The following MOB3C variants were observed in gnomAD, a reference collection of about 807,000 sequenced individuals.
MOB3C encodes MOB1, Mps One Binder kinase activator-like 2C.
Under a neutral mutation model 19.8 loss-of-function variants are expected in MOB3C, and 17 were observed. The observed-to-expected ratio is 0.86, with a 90% CI of 0.59 to 1.29. The LOEUF (loss-of-function observed/expected upper bound fraction) is 1.29. MOB3C is among the 50% of genes most tolerant of loss of function. The pLI, the probability that MOB3C is intolerant of heterozygous loss-of-function variation, is 0.00. For synonymous variants in MOB3C, 101 were observed against 119.2 expected, an observed-to-expected ratio of 0.85 and a Z score of 0.99; for missense variants, 291 against 301.9, an observed-to-expected ratio of 0.96 and a Z score of 0.27.
chr1:46,610,324 C>A, intron 2 of MOB3C, 120 bp from the exon 3 acceptor site: 2 of 773,390 alleles, frequency 2.6e-6, no homozygotes, highest in South Asian at 1.6e-5. Flanking sequence ...TTTTAGTACA[C>A]TTCCCTTTGG....
intron 1 of MOB3C, chr1:46,614,692 T>C (rs1038713033): frequency 2.1e-5 from 8 of 382,238 alleles, no homozygotes; most frequent in Admixed American, 8.1e-5. Context: ...GCTGGAGCAC[T>C]GTCCTTTCTC....
chr1:46,612,066 C>T (rs1675476773), intron 2 of MOB3C, among the ~76,000 whole-genome samples: 1 of 152,232 alleles, frequency 6.6e-6, no homozygotes, highest in Admixed American at 6.5e-5. Flanking sequence ...ACAACCCCCT[C>T]CTGCTGCCCT....
Position 46,608,175 on chromosome 1 carries a change from G to A in MOB3C, c.*1480C>T, listed in dbSNP as rs1052301. On this transcript the variant is annotated 3_prime_UTR_variant, in exon 4 of 4. Coordinates refer to ENST00000319928, the MANE Select transcript of MOB3C (RefSeq NM_201403.3). The surrounding 1 kb of genome is among the most constrained non-coding windows in gnomAD (Gnocchi z 4.5). Reference sequence around the variant, plus strand: ...ACCCTCTTTCCATGTGTATCTCTATGTAGCAATTGATGGGCCCTGCGGTCA... The same window carrying A: ...ACCCTCTTTCCATGTGTATCTCTATATAGCAATTGATGGGCCCTGCGGTCA... The A allele has an allele frequency of 6.6e-6, 1 of 152,288 alleles. No homozygotes were observed. Among genetic ancestry groups the A allele is most frequent in the Admixed American group, 6.5e-5 (1 of 15,286 alleles). The allele number at this position is 152,288 out of a possible 1,614,324, so 9.4% of individuals were successfully genotyped here. A position where few individuals can be genotyped will look rare whatever the true frequency, so the allele number is the denominator to read the frequency against.
At position 46,610,196 on chromosome 1, in the gene MOB3C, AG is replaced by A. The variant is rs1675442615; in HGVS notation, c.426del (p.Phe143SerfsTer13). 2 of 1,613,976 alleles carry A rather than the reference AG, an allele frequency of 1.2e-6. No homozygotes were observed. Among genetic ancestry groups the A allele is most frequent in the Non-Finnish European group, 1.7e-6 (2 of 1,179,968 alleles). On this transcript the variant is annotated frameshift_variant, in exon 3 of 4. Transcript: ENST00000319928. LOFTEE classifies it high-confidence loss of function. ...EEVFPTRVGV[P>X]FPKNFQQVCT... Reference sequence around the variant, plus strand: ...CAGACCTGCTGGAAGTTCTTAGGGAAGGGAACTCCTAGAGGGCAGGGGAGGG... The same window carrying A: ...CAGACCTGCTGGAAGTTCTTAGGGAAGGAACTCCTAGAGGGCAGGGGAGGG...
At chr1:46,615,914 C>T (rs1675552744) in intron 1 of MOB3C, 1 of 152,842 alleles carries the variant, frequency 6.5e-6, no homozygotes. Flanking sequence ...TGTGGAACTT[C>T]AAGGCCTGGG....
In MOB3C at chr1:46,612,920, G is replaced by C; in HGVS notation, c.402C>G (p.Val134=). Residue 134 remains valine (V), a synonymous_variant, in exon 2 of 4, where the codon GTC becomes GTG. Coordinates refer to ENST00000319928, the MANE Select transcript of MOB3C (RefSeq NM_201403.3). ...WIEGLINDEE[V]FPTRVGVPFP... is the part of the protein sequence containing the mutation. ...GACACTCACCAACACGCGTGGGAAA[G>C]ACCTCTTCGTCGTTGATGAGGCCTT... 1 of 1,556,278 alleles carries C rather than the reference G, an allele frequency of 6.4e-7. No individual in the cohort carries two copies. The highest frequency in any genetic ancestry group is 1.2e-5 in the South Asian group (1 of 81,574).
chr1:46,610,144 C>G lies in MOB3C; in HGVS notation c.479G>C (p.Arg160Pro), dbSNP rs147799654. Residue 160 changes from arginine to proline, a missense_variant, in exon 3 of 4, where the codon CGA becomes CCA. Arg to Pro is a moderately radical substitution (Grantham distance 103, BLOSUM62 -2). Transcript: ENST00000319928. Reference sequence around the variant, plus strand: ...GTGGATGTAGACATGGACAAAGACTCGGAAGAGGCGGGTCAGGATCTTGGT... The same window carrying G: ...GTGGATGTAGACATGGACAAAGACTGGGAAGAGGCGGGTCAGGATCTTGGT... ...VCTKILTRLFRVFVHVYIHHF... is the reference protein window; with the variant it reads ...VCTKILTRLFPVFVHVYIHHF... 2 of 1,614,024 alleles carry G rather than the reference C, an allele frequency of 1.2e-6. No homozygotes were observed. The highest frequency in any genetic ancestry group is 2.7e-5 in the African/African-American group (2 of 74,904).
chr1:46,612,230 C>T (rs1381689848), intron 2 of MOB3C, among the ~76,000 whole-genome samples: 1 of 152,140 alleles, frequency 6.6e-6, no homozygotes, highest in East Asian at 1.9e-4. Flanking sequence ...GTGATGATAC[C>T]ACCAGGGCCC....
Position 46,609,533 on chromosome 1 carries a change from GC to G in MOB3C, c.*121del. 7.9e-7 allele frequency: 1 copy of G among 1,260,888 alleles called. No homozygotes were observed. Among genetic ancestry groups the G allele is most frequent in the Non-Finnish European group, 1.1e-6 (1 of 871,944 alleles). 78.1% of individuals were successfully genotyped at this position (1,260,888 alleles called of 1,614,324 possible). On this transcript the variant is annotated 3_prime_UTR_variant, in exon 4 of 4. Transcript: ENST00000319928. ...ACTCCTGAGAACCAGAAGTCCAGAG[GC>G]TTTGGGTGTGTGGAGTGATTCCAGT... is the stretch of plus-strand genomic sequence containing the variant.
At chr1:46,613,574 A>G (rs537276189) in intron 1 of MOB3C, 1 of 584,240 alleles carries the variant, frequency 1.7e-6, no homozygotes, top group East Asian at 2.8e-5. Flanking sequence ...AAGCCCCCAC[A>G]GTCCTCCCAT....
rs1271406141 is a variant in MOB3C at position 46,607,755 on chromosome 1, A to G, written c.*1900T>C. 6.6e-6 allele frequency: 1 copy of G among 152,178 alleles called. No individual in the cohort carries two copies. Among genetic ancestry groups the G allele is most frequent in the African/African-American group, 2.4e-5 (1 of 41,442 alleles). 9.4% of individuals were successfully genotyped at this position (152,178 alleles called of 1,614,324 possible). On this transcript the variant is annotated 3_prime_UTR_variant, in exon 4 of 4. Transcript: ENST00000319928. ...GCCTTTTATTTTACCAAAAATAACA[A>G]CAATAAAGTCTTCCCTCTGTTTCAT... is the stretch of plus-strand genomic sequence containing the variant.
Position 46,613,372 on chromosome 1 carries a change from C to G in MOB3C, c.-50-1G>C. On this transcript the variant is annotated splice_acceptor_variant, in intron 1 of 3. Coordinates refer to ENST00000319928, the MANE Select transcript of MOB3C (RefSeq NM_201403.3). LOFTEE classifies it low-confidence loss of function (5UTR_SPLICE). The stretch of plus-strand genomic sequence containing the variant: ...CCAGGGGCTCGGACCTGAGGATACC[C>G]TGCCAGGGACAAGGGCATAGGGGAG... 1 of 1,593,114 alleles carries G rather than the reference C, an allele frequency of 6.3e-7. No homozygotes were observed. The highest frequency in any genetic ancestry group is 8.5e-7 in the Non-Finnish European group (1 of 1,176,292).
chr1:46,616,500 C>A (rs1199772884), intron 1 of MOB3C: 2 of 148,664 alleles, frequency 1.3e-5, no homozygotes, highest in Admixed American at 1.3e-4. Context: ...CCCAACCCCT[C>A]CCCTCTGCCC....
At position 46,608,787 on chromosome 1, in the gene MOB3C, G is replaced by A. The variant is rs1393454553; in HGVS notation, c.*868C>T. On this transcript the variant is annotated 3_prime_UTR_variant, in exon 4 of 4. Transcript: ENST00000319928. This position sits in a 1 kb window ranked among gnomAD's most constrained non-coding sequence, Gnocchi z 4.5. ...GGCCAGGGGACCTTTGTGTACTTGA[G>A]GGATCATCTCCAACCCCCAGGAGGA... 1 of 152,636 alleles carries A rather than the reference G, an allele frequency of 6.6e-6. No homozygotes were observed. The highest frequency in any genetic ancestry group is 1.9e-4 in the East Asian group (1 of 5,200). The allele number at this position is 152,636 out of a possible 1,614,324, so 9.5% of individuals were successfully genotyped here.
Position 46,613,203 on chromosome 1 carries a change from G to A in MOB3C, c.119C>T (p.Ser40Leu). The change falls in exon 2 of 4, where the codon TCG (serine) becomes TTG (leucine). Residue 40 changes from serine (S) to leucine (L), a missense_variant. Coordinates refer to ENST00000319928, the MANE Select transcript of MOB3C (RefSeq NM_201403.3). Reference protein sequence around the residue: ...LYKKAQASLKSGLDLRSVVRL... With the variant: ...LYKKAQASLKLGLDLRSVVRL... ...CACCACACTGCGCAGGTCCAGGCCC[G>A]ACTTGAGAGAGGCCTGTGCCTTCTT... The A allele has an allele frequency of 1.2e-6, 2 of 1,614,230 alleles. No individual in the cohort carries two copies. Among genetic ancestry groups the A allele is most frequent in the Non-Finnish European group, 1.7e-6 (2 of 1,180,046 alleles).
intron 1 of MOB3C, chr1:46,613,862 G>C (rs531516933): frequency 6.3e-6 from 1 of 159,436 alleles, no homozygotes; most frequent in Admixed American, 6.4e-5. Flanking sequence ...GGCCACCGGG[G>C]ATTCCCAGGG....
intron 1 of MOB3C, 21 bp from the exon 2 acceptor site, chr1:46,613,392 G>A (rs779919343): frequency 2.1e-5 from 33 of 1,572,182 alleles, no homozygotes; most frequent in Middle Eastern, 3.4e-4. Flanking sequence ...CAAGGGCATA[G>A]GGGAGCTGGC....
Position 46,610,064 on chromosome 1 carries a change from T to C in MOB3C, c.559A>G (p.Lys187Glu), listed in dbSNP as rs1675438661. The C allele has an allele frequency of 6.2e-7, 1 of 1,614,228 alleles. No homozygotes were observed. Among genetic ancestry groups the C allele is most frequent in the Non-Finnish European group, 8.5e-7 (1 of 1,180,040 alleles). Residue 187 changes from lysine (K) to glutamate (E), a missense_variant, in exon 3 of 4, where the codon AAG (lysine) becomes GAG (glutamate). Lys to Glu is a moderately conservative substitution (Grantham distance 56). Coordinates refer to ENST00000319928, the MANE Select transcript of MOB3C (RefSeq NM_201403.3). ...TCGCGGATGAAGTAGTAGAAGTGCTTGTAGCAGGTGTTGACGTGCGCCTCT... is the reference window on the plus strand; with the variant it reads ...TCGCGGATGAAGTAGTAGAAGTGCTCGTAGCAGGTGTTGACGTGCGCCTCT... ...GAEAHVNTCY[K>E]HFYYFIREFS...
rs1675471253 is a variant in MOB3C at position 46,611,634 on chromosome 1, C to T, written c.418+1270G>A. Among the ~76,000 whole-genome samples, 1 of 152,144 alleles carries T rather than the reference C, an allele frequency of 6.6e-6. No individual in the cohort carries two copies. The highest frequency in any genetic ancestry group is 2.4e-5 in the African/African-American group (1 of 41,396). ...CCCAGGTGGGGTCGAGCCTTCCCTC[C>T]CTCTGAGCCCCTCCAGCCCAGCCCA... On this transcript the variant is annotated intron_variant, in intron 2 of 3. Coordinates refer to ENST00000319928, the MANE Select transcript of MOB3C (RefSeq NM_201403.3). This position sits in a 1 kb window ranked among gnomAD's most constrained non-coding sequence, Gnocchi z 4.1.
Sources: gnomAD v4.1 joint callset for allele counts (sites outside exome capture counted in the v4.1 genomes callset) on GRCh38, gnomAD v4.1.1 for gene constraint, Gnocchi (gnomAD v3.1) non-coding constraint, MANE v1.5 for transcripts, NCBI Gene and HGNC (gene_info 2026-07-23, HGNC 2026-07-21) for gene names.